Variants in IFT88 observed in about 807,000 individuals in gnomAD.
The protein encoded by IFT88 is intraflagellar transport 88.
Under a neutral mutation model 119.5 loss-of-function variants are expected in IFT88, and 74 were observed. The observed-to-expected ratio is 0.62, with a 90% CI of 0.51 to 0.75. The LOEUF (loss-of-function observed/expected upper bound fraction) is 0.75, where lower values mean the gene tolerates loss of function less well. Among genes scored for constraint, IFT88 ranks in the 30% least tolerant of loss-of-function variants. The pLI, the probability that IFT88 is intolerant of heterozygous loss-of-function variation, is 0.00. For synonymous variants in IFT88, 279 were observed against 316.7 expected (o/e 0.88, Z 1.26); for missense variants, 961 against 977.7 (o/e 0.98, Z 0.23).
At chr13:20,571,637 A>G (rs552064914) in intron 1 of IFT88, among the ~76,000 whole-genome samples, 79 of 152,362 alleles carry the variant, frequency 5.2e-4, no homozygotes, top group African/African-American at 1.9e-3. Context: ...CAGTTTGAGG[A>G]CCAGGTGGTC....
chr13:20,596,888 C>A, intron 8 of IFT88, 127 bp from the exon 9 acceptor site: 1 of 544,446 alleles, frequency 1.8e-6, no homozygotes, highest in Non-Finnish European at 3.2e-6. Flanking sequence ...GGTAAGAGCA[C>A]ACAGGGGTGT....
chr13:20,670,168 TC>T (rs2055553027), intron 23 of IFT88, among the ~76,000 whole-genome samples: 1 of 152,212 alleles, frequency 6.6e-6, no homozygotes, highest in Non-Finnish European at 1.5e-5. Flanking sequence ...TTATTAAAGA[TC>T]TAAATAAAAT....
intron 14 of IFT88, among the ~76,000 whole-genome samples, chr13:20,617,768 A>C (rs570448928): frequency 1.6e-4 from 25 of 152,282 alleles, no homozygotes; most frequent in African/African-American, 5.8e-4. Flanking sequence ...TGCAGACTGG[A>C]ATGCTCTTCA....
At chr13:20,602,242 C>T (rs2042724220) in intron 12 of IFT88, among the ~76,000 whole-genome samples, 1 of 123,232 alleles carries the variant, frequency 8.1e-6, no homozygotes, top group Admixed American at 1.1e-4. Context: ...AGAGAGCCTG[C>T]CTTCCAGGCT....
intron 22 of IFT88, among the ~76,000 whole-genome samples, chr13:20,663,073 TA>T (rs1350222017): frequency 6.6e-6 from 1 of 152,256 alleles, no homozygotes; most frequent in Non-Finnish European, 1.5e-5. Flanking sequence ...ATACTTAATT[TA>T]AAAATGAATT....
At chr13:20,633,113 T>G (rs1350149204) in intron 16 of IFT88, among the ~76,000 whole-genome samples, 2 of 152,138 alleles carry the variant, frequency 1.3e-5, no homozygotes, top group African/African-American at 4.8e-5. Context: ...TTAAATATAT[T>G]TAAACATTTT....
chr13:20,615,793 G>A lies in IFT88; in HGVS notation c.1113G>A (p.Arg371=), dbSNP rs1240371441. The stretch of plus-strand genomic sequence containing the variant: ...CAACTTTTTGGTTTATTTGATATAG[G>A]AAAGCCATGGCAGAAAAATATATTA... ...NDHLRQMERE[R]KAMAEKYIMT... is the part of the protein sequence containing the mutation. Residue 371 remains arginine (R), a splice_region_variant and synonymous_variant, in exon 14 of 26, where the codon AGG becomes AGA. Transcript: ENST00000351808. The A allele has an allele frequency of 1.3e-5, 20 of 1,577,952 alleles. No individual in the cohort carries two copies. Among genetic ancestry groups the A allele is most frequent in the Non-Finnish European group, 1.6e-5 (19 of 1,159,470 alleles).
intron 9 of IFT88, among the ~76,000 whole-genome samples, chr13:20,598,308 A>G (rs2042083173): frequency 6.6e-6 from 1 of 152,132 alleles, no homozygotes; most frequent in South Asian, 2.1e-4. Flanking sequence ...TCCACGTTTA[A>G]TTTATATTTA....
At chr13:20,583,181 A>G (rs1004203307) in intron 3 of IFT88, among the ~76,000 whole-genome samples, 162 bp downstream of exon 3, 4 of 152,106 alleles carry the variant, frequency 2.6e-5, no homozygotes, top group African/African-American at 7.2e-5. Flanking sequence ...TTCATCTTGT[A>G]TATATGAAAG....
At chr13:20,640,081 C>G (rs527819210) in intron 17 of IFT88, among the ~76,000 whole-genome samples, 1 of 152,024 alleles carries the variant, frequency 6.6e-6, no homozygotes, top group Middle Eastern at 3.4e-3. Context: ...TGGGCCACCA[C>G]GCCTGGCCAA....
Position 20,634,065 on chromosome 13 carries a change from A to G in IFT88, c.1386+2963A>G, listed in dbSNP as rs993192878. On this transcript the variant is annotated intron_variant, in intron 16 of 25. Transcript: ENST00000351808. ...CTGTCACTTAGCTGAACTGTTGTCC[A>G]GGGCAACTCAGTCTTCCCTCAGAGC... 2.6e-5 allele frequency among the ~76,000 whole-genome samples: 4 copies of G among 152,166 alleles called. No individual in the cohort carries two copies. In the South Asian group the frequency reaches 6.2e-4, roughly 24 times the overall value.
chr13:20,574,806 G>A (rs1008860187), intron 2 of IFT88, among the ~76,000 whole-genome samples: 10 of 152,128 alleles, frequency 6.6e-5, no homozygotes, highest in Non-Finnish European at 1.5e-4. Flanking sequence ...AAGTTGAAAT[G>A]TCTTGTTTTT....
At chr13:20,637,802 G>A (rs2049247521) in intron 16 of IFT88, among the ~76,000 whole-genome samples, 1 of 152,182 alleles carries the variant, frequency 6.6e-6, no homozygotes, top group Non-Finnish European at 1.5e-5. Context: ...TGTAGTTCCT[G>A]GCTTAACCAA....
intron 24 of IFT88, among the ~76,000 whole-genome samples, chr13:20,681,860 G>A (rs575445458): frequency 1.1e-4 from 17 of 152,326 alleles, no homozygotes; most frequent in Admixed American, 3.9e-4. Context: ...AGTATAGGGC[G>A]TCTGGAAAAC....
At position 20,682,184 on chromosome 13, in the gene IFT88, C is replaced by T. The variant is rs374503329; in HGVS notation, c.2243-8521C>T. ...TTTCCTACCAGAGTAGCAATTTGAT[C>T]CAAATAAGGAATTAGAGTCTGTGAA... On this transcript the variant is annotated intron_variant, in intron 24 of 25. Transcript: ENST00000351808. Among the ~76,000 whole-genome samples, 6 of 152,110 alleles carry T rather than the reference C, an allele frequency of 3.9e-5. No homozygotes were observed. In the East Asian group the frequency reaches 1.2e-3, roughly 29 times the overall value.
chr13:20,643,878 C>T (rs1411822203), intron 19 of IFT88, among the ~76,000 whole-genome samples: 5 of 152,026 alleles, frequency 3.3e-5, no homozygotes, highest in African/African-American at 4.8e-5. Context: ...CTCAGCCTTC[C>T]GAGTAGCTGG....
At chr13:20,657,635 T>G (rs1200390862) in intron 22 of IFT88, among the ~76,000 whole-genome samples, 1 of 152,112 alleles carries the variant, frequency 6.6e-6, no homozygotes, top group Admixed American at 6.6e-5. Flanking sequence ...ATGTTAAAAT[T>G]TGTTCTTCAA....
chr13:20,638,532 G>A lies in IFT88; in HGVS notation c.1573+14G>A. 1 of 1,384,010 alleles carries A rather than the reference G, an allele frequency of 7.2e-7. No individual in the cohort carries two copies. Among genetic ancestry groups the A allele is most frequent in the East Asian group, 2.7e-5 (1 of 36,506 alleles). The allele number at this position is 1,384,010 out of a possible 1,614,324, so 85.7% of individuals were successfully genotyped here. A position where few individuals can be genotyped will look rare whatever the true frequency, so the allele number is the denominator to read the frequency against. ...TTTATAATATTGGTAAGTGAAACAAGGGGAAATTGCTTTTTAAATTATTTA... is the reference window on the plus strand; with the variant it reads ...TTTATAATATTGGTAAGTGAAACAAAGGGAAATTGCTTTTTAAATTATTTA... On this transcript the variant is annotated intron_variant, in intron 17 of 25. Transcript: ENST00000351808.
At chr13:20,619,698 C>A (rs1022541172) in intron 14 of IFT88, among the ~76,000 whole-genome samples, 2 of 151,862 alleles carry the variant, frequency 1.3e-5, no homozygotes, top group African/African-American at 2.4e-5. Context: ...TTGTGCACAT[C>A]TCTTGGTGGG....
Sources: gnomAD v4.1 joint callset for allele counts (sites outside exome capture counted in the v4.1 genomes callset) on GRCh38, gnomAD v4.1.1 for gene constraint, MANE v1.5 for transcripts, NCBI Gene and HGNC (gene_info 2026-07-23, HGNC 2026-07-21) for gene names.